The following JADE2 variants were observed in gnomAD, a reference collection of about 807,000 sequenced individuals.
JADE2 encodes the protein E3 ubiquitin-protein ligase Jade-2.
In JADE2, 13 loss-of-function variants were observed where a neutral mutation model predicts 85.7. The observed-to-expected ratio is 0.15, with a 90% CI of 0.10 to 0.24. The LOEUF (loss-of-function observed/expected upper bound fraction) is 0.24, where lower values mean the gene tolerates loss of function less well. JADE2 is among the 10% of genes least tolerant of loss of function. The pLI, the probability that JADE2 is intolerant of heterozygous loss-of-function variation, is 1.00. For missense variants in JADE2, 846 were observed against 1,115.9 expected, an observed-to-expected ratio of 0.76 and a Z score of 3.45; for synonymous variants, 440 against 456.1, an observed-to-expected ratio of 0.96 and a Z score of 0.45.
intron 3 of JADE2, among the ~76,000 whole-genome samples, chr5:134,540,283 A>G (rs1233470596): frequency 3.3e-5 from 5 of 151,890 alleles, no homozygotes; most frequent in Non-Finnish European, 5.9e-5. Flanking sequence ...CAGTGGTGCA[A>G]TCATGGCTCA....
intron 4 of JADE2, among the ~76,000 whole-genome samples, chr5:134,557,268 A>T (rs375725626): frequency 9.4e-5 from 13 of 137,878 alleles, no homozygotes; most frequent in South Asian, 4.5e-4. Flanking sequence ...TTATTTTTTT[A>T]TTTTTTTTTT....
chr5:134,537,080 A>T (rs1761637993), intron 2 of JADE2, among the ~76,000 whole-genome samples: 1 of 152,134 alleles, frequency 6.6e-6, no homozygotes, highest in Admixed American at 6.5e-5. Context: ...TGTGGCTACA[A>T]CATGCTGCCT....
intron 1 of JADE2, chr5:134,526,382 T>G: frequency 1.0e-6 from 1 of 984,604 alleles, no homozygotes; most frequent in Non-Finnish European, 1.2e-6. Flanking sequence ...GGGCTGCAAC[T>G]TCCCCGCGGG....
chr5:134,528,552 A>G (rs1403683576), intron 1 of JADE2, among the ~76,000 whole-genome samples: 1 of 152,182 alleles, frequency 6.6e-6, no homozygotes, highest in African/African-American at 2.4e-5. Flanking sequence ...ACAGGCTGCA[A>G]AAACAGGCTT....
At chr5:134,574,711 G>A (rs1337237888) in intron 10 of JADE2, 2 of 152,300 alleles carry the variant, frequency 1.3e-5, no homozygotes, top group African/African-American at 4.8e-5. Context: ...ACCATGTAGA[G>A]CTCACCGTGT....
rs756495948 is a variant in JADE2 at position 134,535,905 on chromosome 5, C to T, written c.48C>T (p.Asp16=). Residue 16 remains aspartate (D), a synonymous_variant, in exon 2 of 12, where the codon GAC becomes GAT. Coordinates refer to ENST00000681547, the MANE Select transcript of JADE2 (RefSeq NM_001388185.1). ...RKYSISSDNS[D]TTDSHATSTS... is the part of the protein sequence containing the mutation. ...ACTCCATCAGCAGTGACAACTCTGA[C>T]ACCACTGACAGTAAGGCCTTCCAGT... 6.2e-7 allele frequency: 1 copy of T among 1,613,678 alleles called. No individual in the cohort carries two copies. The highest frequency in any genetic ancestry group is 1.1e-5 in the South Asian group (1 of 91,056).
Position 134,579,740 on chromosome 5 carries a change from GGTCC to G in JADE2, c.*424_*427del. On this transcript the variant is annotated 3_prime_UTR_variant, in exon 12 of 12. Transcript: ENST00000681547. This position sits in a 1 kb window ranked among gnomAD's most constrained non-coding sequence, Gnocchi z 4.6. ...CCGCCTTGCCCCCAGATCCCACTGG[GGTCC>G]ATTTGGGGGGTCCTGCTACACTCCA... 1.1e-5 allele frequency: 2 copies of G among 176,100 alleles called. No homozygotes were observed. The highest frequency in any genetic ancestry group is 5.6e-5 in the Admixed American group (1 of 17,874). The allele number at this position is 176,100 out of a possible 1,614,324, so 10.9% of individuals were successfully genotyped here. A position where few individuals can be genotyped will look rare whatever the true frequency, so the allele number is the denominator to read the frequency against.
At chr5:134,526,672 G>T in intron 1 of JADE2, 5 of 985,506 alleles carry the variant, frequency 5.1e-6, no homozygotes, top group Non-Finnish European at 6.0e-6. Flanking sequence ...GGCGCTGCAC[G>T]CGGGGGCAGC....
Position 134,579,532 on chromosome 5 carries a change from G to A in JADE2, c.*215G>A, listed in dbSNP as rs1021624297. The A allele has an allele frequency of 2.0e-5, 11 of 548,176 alleles. No individual in the cohort carries two copies. Among genetic ancestry groups the A allele is most frequent in the Non-Finnish European group, 3.5e-5 (11 of 310,014 alleles). 34.0% of individuals were successfully genotyped at this position (548,176 alleles called of 1,614,324 possible). A position where few individuals can be genotyped will look rare whatever the true frequency, so the allele number is the denominator to read the frequency against. ...ACATTAGGATTCCTTCCACGGCTCCGGCCGCTAGGACCCTGCCAGGTCCCG... is the reference window on the plus strand; with the variant it reads ...ACATTAGGATTCCTTCCACGGCTCCAGCCGCTAGGACCCTGCCAGGTCCCG... On this transcript the variant is annotated 3_prime_UTR_variant, in exon 12 of 12. Transcript: ENST00000681547. This position sits in a 1 kb window ranked among gnomAD's most constrained non-coding sequence, Gnocchi z 4.6.
chr5:134,542,742 T>C (rs1042606195), intron 3 of JADE2, among the ~76,000 whole-genome samples: 1 of 147,932 alleles, frequency 6.8e-6, no homozygotes, highest in Non-Finnish European at 1.5e-5. Flanking sequence ...ATGCCTGGCC[T>C]TTTTTTTTGA....
intron 1 of JADE2, 35 bp downstream of exon 1, chr5:134,526,046 A>G (rs892873588): frequency 8.1e-6 from 8 of 985,272 alleles, no homozygotes; most frequent in East Asian, 2.3e-4. Flanking sequence ...GGCCCTGCGC[A>G]TCTCCACGAC....
rs1439875959 is a variant in JADE2, at chr5:134,582,961, C to T, written c.*3644C>T. ...AGAGAAAAAATGTATTTTTCATTAA[C>T]GCAAAGACCTATTTCTCCTTTTTGT... is the stretch of plus-strand genomic sequence containing the variant. On this transcript the variant is annotated 3_prime_UTR_variant, in exon 12 of 12. Coordinates refer to ENST00000681547, the MANE Select transcript of JADE2 (RefSeq NM_001388185.1). The T allele has an allele frequency of 6.6e-6, 1 of 152,570 alleles. No homozygotes were observed. The highest frequency in any genetic ancestry group is 1.5e-5 in the Non-Finnish European group (1 of 68,018). 9.5% of individuals were successfully genotyped at this position (152,570 alleles called of 1,614,324 possible). A position where few individuals can be genotyped will look rare whatever the true frequency, so the allele number is the denominator to read the frequency against.
At chr5:134,572,992 C>T (rs1276213236) in intron 9 of JADE2, among the ~76,000 whole-genome samples, 3 of 151,824 alleles carry the variant, frequency 2.0e-5, no homozygotes, top group African/African-American at 7.3e-5. Flanking sequence ...GCCAGCATGG[C>T]GTGAGCCTGG....
rs147155470 is a variant in JADE2, at chr5:134,534,983, C to T, written c.1-875C>T. Among the ~76,000 whole-genome samples, 501 of 152,318 alleles carry T rather than the reference C, an allele frequency of 3.3e-3. 3 individuals carry two copies. Among genetic ancestry groups the T allele is most frequent in the South Asian group, 0.015 (73 of 4,830 alleles). Reference sequence around the variant, plus strand: ...GCTGATGGAGGGTAAAAAGGCAGCTCAGCATGCGCCTGGGGATCAGACCTC... The same window carrying T: ...GCTGATGGAGGGTAAAAAGGCAGCTTAGCATGCGCCTGGGGATCAGACCTC... On this transcript the variant is annotated intron_variant, in intron 1 of 11. Transcript: ENST00000681547.
In JADE2 at chr5:134,566,313, G is replaced by A. The variant is rs1325746483; in HGVS notation, c.1167G>A (p.Lys389=). The change falls in exon 9 of 12, where the codon AAG becomes AAA. Residue 389 remains lysine, a synonymous_variant. Coordinates refer to ENST00000681547, the MANE Select transcript of JADE2 (RefSeq NM_001388185.1). This position sits in a 1 kb window ranked among gnomAD's most constrained non-coding sequence, Gnocchi z 6.7. The part of the protein sequence containing the change: ...EPSQAGEDLE[K]VTLRKQRLQQ... ...GCCAGGCTGGCGAGGACCTGGAAAA[G>A]GTGACCCTGCGCAAGCAGCGGCTGC... The A allele has an allele frequency of 6.2e-7, 1 of 1,614,116 alleles. No homozygotes were observed. The highest frequency in any genetic ancestry group is 8.5e-7 in the Non-Finnish European group (1 of 1,180,036).
chr5:134,530,732 A>G (rs189132050), intron 1 of JADE2, among the ~76,000 whole-genome samples: 1 of 152,344 alleles, frequency 6.6e-6, no homozygotes, highest in African/African-American at 2.4e-5. Context: ...CTGAGTTGAC[A>G]TTGATCATTA....
chr5:134,543,117 C>T (rs1454886721), intron 3 of JADE2, among the ~76,000 whole-genome samples: 4 of 150,224 alleles, frequency 2.7e-5, no homozygotes, highest in Admixed American at 2.6e-4. Flanking sequence ...TCACTGCAAC[C>T]TCCATCTCCT....
intron 3 of JADE2, among the ~76,000 whole-genome samples, chr5:134,543,281 C>T (rs1206856061): frequency 2.6e-5 from 4 of 151,764 alleles, no homozygotes; most frequent in Admixed American, 6.6e-5. Context: ...CCGCCCACCT[C>T]GGCCTCCCAA....
intron 1 of JADE2, among the ~76,000 whole-genome samples, chr5:134,531,387 A>G (rs1449567207): frequency 6.6e-6 from 1 of 152,124 alleles, no homozygotes; most frequent in African/African-American, 2.4e-5. Flanking sequence ...GAAGCCTTTG[A>G]AAGATTTTCT....
Sources: gnomAD v4.1 joint callset for allele counts (sites outside exome capture counted in the v4.1 genomes callset) on GRCh38, gnomAD v4.1.1 for gene constraint, Gnocchi (gnomAD v3.1) non-coding constraint, MANE v1.5 for transcripts, NCBI Gene and HGNC (gene_info 2026-07-23, HGNC 2026-07-21) for gene names.